ZFYVE9: variants seen among roughly 807,000 people sequenced by gnomAD.
ZFYVE9 encodes zinc finger FYVE domain-containing protein 9.
Under a neutral mutation model 126.7 loss-of-function variants are expected in ZFYVE9, and 43 were observed. That is an observed-to-expected ratio of 0.34 (90% CI 0.27 to 0.44). ZFYVE9 has a LOEUF of 0.44. Among genes scored for constraint, ZFYVE9 ranks in the 20% least tolerant of loss-of-function variants. ZFYVE9 has a pLI of 1.00. For synonymous variants in ZFYVE9, 521 were observed against 597.4 expected, an observed-to-expected ratio of 0.87 and a Z score of 1.87; for missense variants, 1,476 against 1,697.0, an observed-to-expected ratio of 0.87 and a Z score of 2.29.
intron 4 of ZFYVE9, among the ~76,000 whole-genome samples, chr1:52,244,717 TTATC>T (rs959566246): frequency 1.2e-4 from 18 of 152,208 alleles, no homozygotes; most frequent in African/African-American, 4.3e-4. Flanking sequence ...GAATCAGTAT[TTATC>T]CTTGGAGATA....
chr1:52,209,464 A>G (rs984165689), intron 1 of ZFYVE9, among the ~76,000 whole-genome samples: 1 of 152,060 alleles, frequency 6.6e-6, no homozygotes, highest in East Asian at 1.9e-4. Context: ...CATCACCCCA[A>G]AAACTCCCTA....
chr1:52,318,268 A>T (rs1032573135), intron 13 of ZFYVE9, among the ~76,000 whole-genome samples: 1 of 152,202 alleles, frequency 6.6e-6, no homozygotes, highest in Non-Finnish European at 1.5e-5. Flanking sequence ...ATAGTTTAGG[A>T]TACAGGATCC....
intron 13 of ZFYVE9, among the ~76,000 whole-genome samples, chr1:52,315,768 C>T (rs956215686): frequency 3.9e-5 from 6 of 152,030 alleles, no homozygotes; most frequent in African/African-American, 1.4e-4. Context: ...AAAAAAATGA[C>T]TCAAATATAA....
intron 1 of ZFYVE9, among the ~76,000 whole-genome samples, chr1:52,188,017 A>ACATG (rs1183071318): frequency 6.6e-6 from 1 of 152,232 alleles, no homozygotes; most frequent in Non-Finnish European, 1.5e-5. Context: ...GCATAAAGAC[A>ACATG]CATGCATGCA....
intron 3 of ZFYVE9, among the ~76,000 whole-genome samples, chr1:52,235,153 G>A (rs939468646): frequency 2.0e-5 from 3 of 152,034 alleles, no homozygotes; most frequent in Admixed American, 2.0e-4. Context: ...CTTCTTGGTT[G>A]TAACTTTGTG....
At chr1:52,293,395 A>AG in intron 10 of ZFYVE9, 58 bp from the exon 11 acceptor site, 184 of 1,317,344 alleles carry the variant, frequency 1.4e-4, no homozygotes, top group African/African-American at 8.9e-4. Flanking sequence ...AAAAAAAAAA[A>AG]AAAGAAATAT....
chr1:52,322,292 A>G (rs1484365569), intron 13 of ZFYVE9, among the ~76,000 whole-genome samples: 1 of 151,790 alleles, frequency 6.6e-6, no homozygotes, highest in Non-Finnish European at 1.5e-5. Flanking sequence ...TCTCTGACCT[A>G]GATTTCTGCA....
chr1:52,179,994 G>A (rs1020970371), intron 1 of ZFYVE9: 4 of 903,068 alleles, frequency 4.4e-6, no homozygotes, highest in African/African-American at 1.6e-5. Flanking sequence ...TATGACTTTG[G>A]AAGAGCTGGA....
chr1:52,343,316 G>C (rs1378452533), intron 17 of ZFYVE9, among the ~76,000 whole-genome samples: 1 of 151,814 alleles, frequency 6.6e-6, no homozygotes, highest in Non-Finnish European at 1.5e-5. Context: ...CTTGGTGGCA[G>C]GCTCCTGTAA....
intron 4 of ZFYVE9, chr1:52,253,540 A>C: frequency 1.4e-6 from 1 of 712,670 alleles, no homozygotes; most frequent in Non-Finnish European, 2.5e-6. Context: ...AGGCTGTCCT[A>C]GGAAGCCGAG....
At chr1:52,180,073 C>A (rs1392738279) in intron 1 of ZFYVE9, 2 of 855,636 alleles carry the variant, frequency 2.3e-6, no homozygotes, top group African/African-American at 3.3e-5. Context: ...CAGAGACTGG[C>A]TGAGTGGAAA....
intron 1 of ZFYVE9, among the ~76,000 whole-genome samples, chr1:52,187,275 T>C (rs1042450803): frequency 3.9e-5 from 6 of 152,180 alleles, no homozygotes; most frequent in Admixed American, 2.0e-4. Flanking sequence ...TGCAGAAGAT[T>C]GAAGCTGGAC....
chr1:52,189,216 C>T (rs908213563), intron 1 of ZFYVE9, among the ~76,000 whole-genome samples: 1 of 149,454 alleles, frequency 6.7e-6, no homozygotes, highest in Non-Finnish European at 1.5e-5. Flanking sequence ...GGATTACAGG[C>T]ATGAGCCACC....
At chr1:52,302,069 C>T (rs752702426) in intron 12 of ZFYVE9, among the ~76,000 whole-genome samples, 4 of 152,134 alleles carry the variant, frequency 2.6e-5, no homozygotes, top group Non-Finnish European at 2.9e-5. Flanking sequence ...ATGTAGAATA[C>T]AATATAATAA....
At chr1:52,160,106 C>A (rs1454705694) in intron 1 of ZFYVE9, among the ~76,000 whole-genome samples, 1 of 152,086 alleles carries the variant, frequency 6.6e-6, no homozygotes, top group Non-Finnish European at 1.5e-5. Context: ...TATCCTTGTC[C>A]TTGATTATAG....
At chr1:52,176,685 C>G (rs564004875) in intron 1 of ZFYVE9, among the ~76,000 whole-genome samples, 2 of 152,104 alleles carry the variant, frequency 1.3e-5, no homozygotes, top group Non-Finnish European at 2.9e-5. Flanking sequence ...CCTAAGCAAG[C>G]CTGGGCAATG....
chr1:52,173,245 A>G (rs1238621166), intron 1 of ZFYVE9, among the ~76,000 whole-genome samples: 1 of 152,220 alleles, frequency 6.6e-6, no homozygotes, highest in African/African-American at 2.4e-5. Context: ...CTTTTTCTGC[A>G]TCTACTGAGA....
At chr1:52,297,238 A>AT (rs1175103572) in intron 12 of ZFYVE9, among the ~76,000 whole-genome samples, 11 of 142,016 alleles carry the variant, frequency 7.7e-5, no homozygotes, top group East Asian at 4.2e-4. Flanking sequence ...TGAAAAAAAC[A>AT]TTTCTTTTTT....
intron 1 of ZFYVE9, among the ~76,000 whole-genome samples, chr1:52,208,630 T>G (rs1644999294): frequency 6.6e-6 from 1 of 151,876 alleles, no homozygotes; most frequent in Non-Finnish European, 1.5e-5. Context: ...GCCTCCCGAG[T>G]TCAGGTGATT....
Sources: gnomAD v4.1 joint callset for allele counts (sites outside exome capture counted in the v4.1 genomes callset) on GRCh38, gnomAD v4.1.1 for gene constraint, MANE v1.5 for transcripts, NCBI Gene and HGNC (gene_info 2026-07-23, HGNC 2026-07-21) for gene names.